The following RTRAF variants were observed in gnomAD, a reference collection of about 807,000 sequenced individuals.
The protein encoded by RTRAF is tRNA-splicing ligase complex subunit RTRAF.
A neutral mutation model predicts 34.4 loss-of-function variants in RTRAF; 14 were observed. The observed-to-expected ratio is 0.41, with a 90% CI of 0.27 to 0.64. The LOEUF is 0.64. RTRAF is among the 30% of genes least tolerant of loss of function. The pLI is 0.34. For synonymous variants in RTRAF, 96 were observed against 95.3 expected (o/e 1.01, Z -0.04); for missense variants, 291 against 288.4 (o/e 1.01, Z -0.06).
intron 4 of RTRAF, 22 bp from the exon 5 acceptor site, chr14:51,999,686 G>A: frequency 6.5e-7 from 1 of 1,541,562 alleles, no homozygotes; most frequent in South Asian, 1.2e-5. Flanking sequence ...GTAAGTTTTT[G>A]TTTGTTTTTA....
In RTRAF at chr14:51,991,447, G is replaced by A. The variant is rs773106709; in HGVS notation, c.186+6G>A. 5 of 1,605,790 alleles carry A rather than the reference G, an allele frequency of 3.1e-6. No homozygotes were observed. Among genetic ancestry groups the A allele is most frequent in the Admixed American group, 1.7e-5 (1 of 58,448 alleles). ...GGCCCAAGTTCTTTGAAAAGGTAATGAATTAGGAAGTAAAGTAAAAATACA... is the reference window on the plus strand; with the variant it reads ...GGCCCAAGTTCTTTGAAAAGGTAATAAATTAGGAAGTAAAGTAAAAATACA... On this transcript the variant is annotated splice_donor_region_variant and intron_variant, in intron 2 of 7. Coordinates refer to ENST00000261700, the MANE Select transcript of RTRAF (RefSeq NM_016039.3).
chr14:51,995,811 A>T (rs1156310681), intron 3 of RTRAF, among the ~76,000 whole-genome samples: 6 of 143,830 alleles, frequency 4.2e-5, no homozygotes, highest in South Asian at 2.2e-4. Context: ...CATTTAATTT[A>T]AAAAAAAAAA....
chr14:52,005,896 A>C lies in RTRAF; in HGVS notation c.*1380A>C. The C allele has an allele frequency of 1.4e-6, 2 of 1,392,204 alleles. No individual in the cohort carries two copies. Among genetic ancestry groups the C allele is most frequent in the Non-Finnish European group, 1.0e-6 (1 of 993,598 alleles). The allele number at this position is 1,392,204 out of a possible 1,614,324, so 86.2% of individuals were successfully genotyped here. A position where few individuals can be genotyped will look rare whatever the true frequency, so the allele number is the denominator to read the frequency against. On this transcript the variant is annotated 3_prime_UTR_variant, in exon 8 of 8. Coordinates refer to ENST00000261700, the MANE Select transcript of RTRAF (RefSeq NM_016039.3). ...GAATTCAGGGACAGTCATTTACTAG[A>C]TAAAGAAGTCAGTCAGCCACAGAAA...
intron 6 of RTRAF, chr14:52,003,949 T>C (rs1424017738): frequency 6.0e-6 from 3 of 499,124 alleles, no homozygotes; most frequent in African/African-American, 2.0e-5. Flanking sequence ...GGCTAAAGGA[T>C]TGGATGAGCT....
chr14:51,992,584 C>T (rs1397126713), intron 2 of RTRAF, among the ~76,000 whole-genome samples: 1 of 152,156 alleles, frequency 6.6e-6, no homozygotes, highest in Non-Finnish European at 1.5e-5. Context: ...TTCCTTTGCT[C>T]TTAGAAAATA....
At chr14:51,998,344 T>A (rs1378446083) in intron 3 of RTRAF, 150 bp from the exon 4 acceptor site, 3 of 507,320 alleles carry the variant, frequency 5.9e-6, no homozygotes, top group Middle Eastern at 5.2e-4. Context: ...ATCCGAAGTC[T>A]GAAAAAATTT....
chr14:52,004,785 C>A lies in RTRAF; in HGVS notation c.*269C>A. On this transcript the variant is annotated 3_prime_UTR_variant, in exon 8 of 8. Coordinates refer to ENST00000261700, the MANE Select transcript of RTRAF (RefSeq NM_016039.3). The stretch of plus-strand genomic sequence containing the variant: ...CCAACCCCCAGCTTTGTCCTAGAGA[C>A]AATATAGATCCTTAAGTCATAGGAA... 6.7e-6 allele frequency: 2 copies of A among 297,476 alleles called. No homozygotes were observed. The highest frequency in any genetic ancestry group is 1.2e-5 in the Non-Finnish European group (2 of 163,124). The allele number at this position is 297,476 out of a possible 1,614,324, so 18.4% of individuals were successfully genotyped here. A position where few individuals can be genotyped will look rare whatever the true frequency, so the allele number is the denominator to read the frequency against.
chr14:52,008,172 C>G lies in RTRAF; in HGVS notation c.*3656C>G, dbSNP rs1404834947. 1 of 457,458 alleles carries G rather than the reference C, an allele frequency of 2.2e-6. No homozygotes were observed. The highest frequency in any genetic ancestry group is 4.1e-5 in the Admixed American group (1 of 24,584). The allele number at this position is 457,458 out of a possible 1,614,324, so 28.3% of individuals were successfully genotyped here. Reference sequence around the variant, plus strand: ...TAGGCTATCACTGCCGATATTCGGTCTCAAAAAACTGGTTTCTGCCTTAGG... The same window carrying G: ...TAGGCTATCACTGCCGATATTCGGTGTCAAAAAACTGGTTTCTGCCTTAGG... On this transcript the variant is annotated 3_prime_UTR_variant, in exon 8 of 8. Transcript: ENST00000261700.
intron 6 of RTRAF, among the ~76,000 whole-genome samples, chr14:52,002,667 C>T (rs1890618532): frequency 6.6e-6 from 1 of 152,166 alleles, no homozygotes. Flanking sequence ...AGAGACTGTC[C>T]TCAGGTCAGC....
Position 52,008,230 on chromosome 14 carries a change from A to G in RTRAF, c.*3714A>G, listed in dbSNP as rs567225898. ...TCTTGCTCCCTTTGAGGGAAGCTGG[A>G]TGCCATGTTGCAAGCTACCCTGTAA... is the stretch of plus-strand genomic sequence containing the variant. On this transcript the variant is annotated 3_prime_UTR_variant, in exon 8 of 8. Transcript: ENST00000261700. 12 of 331,672 alleles carry G rather than the reference A, an allele frequency of 3.6e-5. No individual in the cohort carries two copies. The highest frequency in any genetic ancestry group is 2.4e-4 in the African/African-American group (11 of 46,806). 20.5% of individuals were successfully genotyped at this position (331,672 alleles called of 1,614,324 possible).
Position 52,006,430 on chromosome 14 carries a change from C to T in RTRAF, c.*1914C>T. On this transcript the variant is annotated 3_prime_UTR_variant, in exon 8 of 8. Coordinates refer to ENST00000261700, the MANE Select transcript of RTRAF (RefSeq NM_016039.3). ...TGAGGAGGTGATGAAACAAAAGCCTCAGAGGGCTTAATGAGTCAAGTCAGG... is the reference window on the plus strand; with the variant it reads ...TGAGGAGGTGATGAAACAAAAGCCTTAGAGGGCTTAATGAGTCAAGTCAGG... 7.8e-7 allele frequency: 1 copy of T among 1,290,066 alleles called. No individual in the cohort carries two copies. 79.9% of individuals were successfully genotyped at this position (1,290,066 alleles called of 1,614,324 possible). A position where few individuals can be genotyped will look rare whatever the true frequency, so the allele number is the denominator to read the frequency against.
Position 52,004,236 on chromosome 14 carries a change from A to T in RTRAF, c.574A>T (p.Thr192Ser). Reference protein sequence around the residue: ...ALDKHILGFDTGDAVLNEAAQ... With the variant: ...ALDKHILGFDSGDAVLNEAAQ... ...AGACAAACATATTCTTGGTTTTGAC[A>T]CAGGAGGTAAGTGATTTTGTTTAAA... is the stretch of plus-strand genomic sequence containing the variant. The change falls in exon 7 of 8, where the codon ACA (threonine) becomes TCA (serine). Residue 192 changes from threonine (T) to serine (S), a missense_variant. By Grantham distance (58) the Thr-to-Ser change is moderately conservative. Transcript: ENST00000261700. 6.2e-7 allele frequency: 1 copy of T among 1,613,524 alleles called. No individual in the cohort carries two copies. Among genetic ancestry groups the T allele is most frequent in the Non-Finnish European group, 8.5e-7 (1 of 1,179,646 alleles).
rs1378099935 is a variant in RTRAF, at chr14:52,008,622, T to TA, written c.*4107dup. 6.6e-6 allele frequency: 1 copy of TA among 152,232 alleles called. No homozygotes were observed. Among genetic ancestry groups the TA allele is most frequent in the Non-Finnish European group, 1.5e-5 (1 of 68,050 alleles). 9.4% of individuals were successfully genotyped at this position (152,232 alleles called of 1,614,324 possible). A position where few individuals can be genotyped will look rare whatever the true frequency, so the allele number is the denominator to read the frequency against. On this transcript the variant is annotated 3_prime_UTR_variant, in exon 8 of 8. Coordinates refer to ENST00000261700, the MANE Select transcript of RTRAF (RefSeq NM_016039.3). ...TATGTGGGAGAAGTCATTACTAAGT[T>TA]ACTATCAGAATCCCTGCCTCCAAGA...
At position 52,008,039 on chromosome 14, in the gene RTRAF, C is replaced by CA; in HGVS notation, c.*3524dup. 1 of 1,221,150 alleles carries CA rather than the reference C, an allele frequency of 8.2e-7. No individual in the cohort carries two copies. The highest frequency in any genetic ancestry group is 1.4e-5 in the South Asian group (1 of 69,044). 75.6% of individuals were successfully genotyped at this position (1,221,150 alleles called of 1,614,324 possible). A position where few individuals can be genotyped will look rare whatever the true frequency, so the allele number is the denominator to read the frequency against. ...TGGTAGGCAGCATCTAAGCAGCCCC[C>CA]AGTGATCTCCATCTCCTCATGTATT... On this transcript the variant is annotated 3_prime_UTR_variant, in exon 8 of 8. Transcript: ENST00000261700.
chr14:51,996,162 A>G (rs935088383), intron 3 of RTRAF, among the ~76,000 whole-genome samples: 2 of 152,128 alleles, frequency 1.3e-5, no homozygotes, highest in Non-Finnish European at 2.9e-5. Context: ...TGTGTGTGGA[A>G]TGTAAATTTT....
chr14:51,994,856 C>T (rs1890493556), intron 3 of RTRAF, among the ~76,000 whole-genome samples: 1 of 152,034 alleles, frequency 6.6e-6, no homozygotes, highest in Non-Finnish European at 1.5e-5. Flanking sequence ...AATAATAGTG[C>T]TTCCTGTTTA....
Position 51,989,721 on chromosome 14 carries a change from C to T in RTRAF, c.61+21C>T, listed in dbSNP as rs1021848270. The T allele has an allele frequency of 3.8e-6, 6 of 1,587,628 alleles. No homozygotes were observed. In the Admixed American group the frequency reaches 5.3e-5, roughly 14 times the overall value. ...CAAAGGTGAGGCGGCGGCCTCAGCC[C>T]GGCCGCGTGTCCCTGACCTGGGCGG... On this transcript the variant is annotated intron_variant, in intron 1 of 7. Transcript: ENST00000261700.
chr14:52,000,024 T>C (rs1890577105), intron 5 of RTRAF, among the ~76,000 whole-genome samples: 1 of 152,064 alleles, frequency 6.6e-6, no homozygotes, highest in African/African-American at 2.4e-5. Flanking sequence ...CTGCCAACAA[T>C]CCTAGAGACA....
At chr14:51,998,381 G>A in intron 3 of RTRAF, 113 bp from the exon 4 acceptor site, 2 of 583,172 alleles carry the variant, frequency 3.4e-6, no homozygotes, top group East Asian at 6.0e-5. Context: ...GGCATTTCCA[G>A]TAAGGGAAAC....
Sources: allele counts gnomAD v4.1 joint callset (sites outside exome capture counted in the v4.1 genomes callset), GRCh38; gene constraint gnomAD v4.1.1; transcripts MANE v1.5; gene names NCBI Gene and HGNC (gene_info 2026-07-23, HGNC 2026-07-21).